The following SEC24B variants were observed in gnomAD, a reference collection of about 807,000 sequenced individuals.
SEC24B encodes the protein SEC24 homolog B, COPII component.
SEC24B carries 45 observed loss-of-function variants against 142.8 expected under a neutral mutation model. That is an observed-to-expected ratio of 0.32 (90% confidence interval 0.25 to 0.40). The LOEUF is 0.40. SEC24B is among the 10% of genes least tolerant of loss of function. The probability of loss-of-function intolerance (pLI) is 1.00; values close to 1 mark genes in which losing one functional copy is unlikely to be tolerated. For missense variants in SEC24B, 1,409 were observed against 1,526.8 expected, an observed-to-expected ratio of 0.92 and a Z score of 1.29; for synonymous variants, 574 against 568.2, an observed-to-expected ratio of 1.01 and a Z score of -0.15.
intron 23 of SEC24B, among the ~76,000 whole-genome samples, chr4:109,539,242 G>A (rs767365271): frequency 2.0e-5 from 3 of 151,650 alleles, no homozygotes; most frequent in Admixed American, 1.3e-4. Flanking sequence ...GATTACAGGC[G>A]TGAGCCACCA....
chr4:109,460,191 A>G (rs115970972), intron 1 of SEC24B, among the ~76,000 whole-genome samples: 2,576 of 152,278 alleles, frequency 0.017, 43 homozygotes, highest in Non-Finnish European at 0.022. Flanking sequence ...CGTAGAATAT[A>G]TATTACATGA....
intron 7 of SEC24B, 96 bp downstream of exon 7, chr4:109,506,608 A>G (rs1736716576): frequency 3.4e-6 from 3 of 882,046 alleles, no homozygotes; most frequent in Non-Finnish European, 4.9e-6. Flanking sequence ...CTTCGGTTGG[A>G]AGTTTCATTA....
chr4:109,484,908 T>C (rs1214374384), intron 4 of SEC24B, among the ~76,000 whole-genome samples: 1 of 152,058 alleles, frequency 6.6e-6, no homozygotes, highest in Non-Finnish European at 1.5e-5. Context: ...ATGTCTTGTT[T>C]ATTATTTTTC....
At chr4:109,481,335 A>G (rs1733716587) in intron 3 of SEC24B, among the ~76,000 whole-genome samples, 1 of 152,174 alleles carries the variant, frequency 6.6e-6, no homozygotes, top group African/African-American at 2.4e-5. Flanking sequence ...AAGGAAATAT[A>G]CCACAGGGCC....
At chr4:109,482,979 T>TATATATATATATACAC (rs781527364) in intron 4 of SEC24B, among the ~76,000 whole-genome samples, 2 of 26,414 alleles carry the variant, frequency 7.6e-5, no homozygotes, top group Admixed American at 7.3e-4. Flanking sequence ...TATATATATA[T>TATATATATATATACAC]ACACACACAC....
At chr4:109,530,739 C>G (rs1724817513) in intron 19 of SEC24B, among the ~76,000 whole-genome samples, 1 of 151,240 alleles carries the variant, frequency 6.6e-6, no homozygotes, top group South Asian at 2.1e-4. Context: ...CCGCCTCTAC[C>G]AAAAATACAA....
At chr4:109,539,272 A>ATTT in intron 23 of SEC24B, among the ~76,000 whole-genome samples, 1 of 143,510 alleles carries the variant, frequency 7.0e-6, no homozygotes, top group Non-Finnish European at 1.5e-5. Flanking sequence ...AATTTTAAAA[A>ATTT]TTTTTTTTTT....
chr4:109,527,009 A>C (rs1724310217), intron 17 of SEC24B, among the ~76,000 whole-genome samples: 1 of 152,100 alleles, frequency 6.6e-6, no homozygotes, highest in Non-Finnish European at 1.5e-5. Flanking sequence ...ACCTGAGGTC[A>C]GGAGTTCCAG....
chr4:109,451,582 CTT>C (rs1730095305), intron 1 of SEC24B, among the ~76,000 whole-genome samples: 1 of 152,232 alleles, frequency 6.6e-6, no homozygotes, highest in Admixed American at 6.5e-5. Flanking sequence ...CACTTCCTTA[CTT>C]TCTGACACTA....
intron 6 of SEC24B, 72 bp from the exon 7 acceptor site, chr4:109,506,256 A>G: frequency 2.8e-6 from 3 of 1,081,176 alleles, no homozygotes; most frequent in Non-Finnish European, 3.7e-6. Flanking sequence ...GTATGTTGAG[A>G]TATGTAGTAT....
At chr4:109,441,781 TAGC>T (rs897017982) in intron 1 of SEC24B, among the ~76,000 whole-genome samples, 1 of 152,226 alleles carries the variant, frequency 6.6e-6, no homozygotes, top group Non-Finnish European at 1.5e-5. Context: ...ATTGATGTTG[TAGC>T]AGGAATAATC....
At chr4:109,486,489 G>T (rs916558583) in intron 4 of SEC24B, among the ~76,000 whole-genome samples, 4 of 152,080 alleles carry the variant, frequency 2.6e-5, no homozygotes, top group African/African-American at 9.7e-5. Flanking sequence ...CTTCTGATCT[G>T]TTCTCCTCGT....
chr4:109,472,913 T>A, intron 2 of SEC24B, 91 bp from the exon 3 acceptor site: 1 of 334,174 alleles, frequency 3.0e-6, no homozygotes, highest in Non-Finnish European at 5.1e-6. Context: ...TATTATATAT[T>A]ATATACATTA....
intron 23 of SEC24B, 61 bp downstream of exon 23, chr4:109,538,657 T>C: frequency 1.9e-6 from 2 of 1,039,508 alleles, no homozygotes; most frequent in Non-Finnish European, 3.0e-6. Context: ...TGGAATTGCT[T>C]GTCTTCAAAG....
Position 109,538,477 on chromosome 4 carries a change from G to A in SEC24B, c.3589-16G>A, listed in dbSNP as rs373924934. The A allele has an allele frequency of 1.3e-6, 2 of 1,556,058 alleles. No individual in the cohort carries two copies. The highest frequency in any genetic ancestry group is 1.7e-5 in the Admixed American group (1 of 59,766). Reference sequence around the variant, plus strand: ...TATGAGAAAGGAAAGTTTCCTAATTGTATTTCTTTTACCAGACACATCTTC... The same window carrying A: ...TATGAGAAAGGAAAGTTTCCTAATTATATTTCTTTTACCAGACACATCTTC... On this transcript the variant is annotated splice_polypyrimidine_tract_variant and intron_variant, in intron 22 of 23. Coordinates refer to ENST00000265175, the MANE Select transcript of SEC24B (RefSeq NM_006323.5).
At chr4:109,533,749 C>T in intron 22 of SEC24B, 64 bp downstream of exon 22, 1 of 965,114 alleles carries the variant, frequency 1.0e-6, no homozygotes, top group Admixed American at 2.2e-5. Context: ...ATGTAAAATT[C>T]ATGTAATATT....
intron 1 of SEC24B, among the ~76,000 whole-genome samples, chr4:109,449,848 C>T (rs1398166283): frequency 2.0e-5 from 3 of 152,076 alleles, no homozygotes; most frequent in Non-Finnish European, 4.4e-5. Flanking sequence ...CGAGGTTCTT[C>T]CTCTGTGAGG....
chr4:109,505,900 A>G (rs1393988053), intron 6 of SEC24B, among the ~76,000 whole-genome samples: 1 of 152,218 alleles, frequency 6.6e-6, no homozygotes, highest in Non-Finnish European at 1.5e-5. Context: ...CAAGCCATTA[A>G]TTCATGATAA....
chr4:109,484,196 C>T (rs1166616218), intron 4 of SEC24B, among the ~76,000 whole-genome samples: 1 of 152,164 alleles, frequency 6.6e-6, no homozygotes, highest in East Asian at 1.9e-4. Context: ...AGTTCATTAG[C>T]CTCTTTCCTT....
Sources: gnomAD v4.1 joint callset for allele counts (sites outside exome capture counted in the v4.1 genomes callset) on GRCh38, gnomAD v4.1.1 for gene constraint, MANE v1.5 for transcripts, NCBI Gene and HGNC (gene_info 2026-07-23, HGNC 2026-07-21) for gene names.